Variants in TIMM17A observed in about 807,000 individuals in gnomAD.
The protein encoded by TIMM17A is translocase of inner mitochondrial membrane 17A, also known as mitochondrial import inner membrane translocase subunit Tim17-A.
Under a neutral mutation model 26.5 loss-of-function variants are expected in TIMM17A, and 15 were observed. That is an observed-to-expected ratio of 0.57 (90% CI 0.38 to 0.87). TIMM17A has a LOEUF of 0.87. Among genes scored for constraint, TIMM17A ranks in the 40% least tolerant of loss-of-function variants. TIMM17A has a pLI of 0.00. For missense variants in TIMM17A, 201 were observed against 210.0 expected (o/e 0.96, Z 0.27); for synonymous variants, 80 against 70.8 (o/e 1.13, Z -0.66).
rs1007727019 is a variant in TIMM17A, at chr1:201,963,508, T to C, written c.191-108T>C. 4 of 1,129,936 alleles carry C rather than the reference T, an allele frequency of 3.5e-6. No homozygotes were observed. In the South Asian group the frequency reaches 6.0e-5, roughly 17 times the overall value. 70.0% of individuals were successfully genotyped at this position (1,129,936 alleles called of 1,614,324 possible). A position where few individuals can be genotyped will look rare whatever the true frequency, so the allele number is the denominator to read the frequency against. On this transcript the variant is annotated intron_variant, in intron 3 of 5. Coordinates refer to ENST00000367287, the MANE Select transcript of TIMM17A (RefSeq NM_006335.3). ...AAACTTGTGTTTGCATGTATTTGTT[T>C]GGACTATAAATTTTGAGACTATAGT...
At position 201,969,625 on chromosome 1, in the gene TIMM17A, A is replaced by T; in HGVS notation, c.*71A>T. On this transcript the variant is annotated 3_prime_UTR_variant, in exon 6 of 6. Transcript: ENST00000367287. ...GAAGGATTTCAGAAGATCAAGTTACAGTCTGTTTTTAAAACCATAGGTGGG... is the reference window on the plus strand; with the variant it reads ...GAAGGATTTCAGAAGATCAAGTTACTGTCTGTTTTTAAAACCATAGGTGGG... The T allele has an allele frequency of 7.3e-7, 1 of 1,366,970 alleles. No individual in the cohort carries two copies. The highest frequency in any genetic ancestry group is 1.7e-5 in the Admixed American group (1 of 57,660). The allele number at this position is 1,366,970 out of a possible 1,614,324, so 84.7% of individuals were successfully genotyped here.
At position 201,957,267 on chromosome 1, in the gene TIMM17A, C is replaced by T. The variant is rs375204630; in HGVS notation, c.27-14C>T. ...GAATGAGAAATATGGTCTTTTTTTT[C>T]CCCCTGTTCTTAGCCCATGGCGAAT... On this transcript the variant is annotated splice_polypyrimidine_tract_variant and intron_variant, in intron 1 of 5. Coordinates refer to ENST00000367287, the MANE Select transcript of TIMM17A (RefSeq NM_006335.3). The T allele has an allele frequency of 2.5e-5, 37 of 1,462,628 alleles. No homozygotes were observed. Among genetic ancestry groups the T allele is most frequent in the Admixed American group, 1.4e-4 (7 of 51,508 alleles). 90.6% of individuals were successfully genotyped at this position (1,462,628 alleles called of 1,614,324 possible).
chr1:201,959,082 A>G (rs1003036129), intron 3 of TIMM17A, among the ~76,000 whole-genome samples: 2 of 152,238 alleles, frequency 1.3e-5, no homozygotes, highest in African/African-American at 4.8e-5. Flanking sequence ...TGCAGAAGCC[A>G]TATAGGTTTT....
At position 201,964,635 on chromosome 1, in the gene TIMM17A, C is replaced by CTTTTTTTTTTTTTTTTTTTTTTTTTTTTT. The variant is rs570309464; in HGVS notation, c.320-795_320-767dup. ...TTTATTTATTTATTTTATTTTATTTCTTTTTTTTTTTTTTTTTTTTTTTTT... is the reference window on the plus strand; with the variant it reads ...TTTATTTATTTATTTTATTTTATTTCTTTTTTTTTTTTTTTTTTTTTTTTTTTTTTTTTTTTTTTTTTTTTTTTTTTTTT... On this transcript the variant is annotated intron_variant, in intron 4 of 5. Coordinates refer to ENST00000367287, the MANE Select transcript of TIMM17A (RefSeq NM_006335.3). Among the ~76,000 whole-genome samples, 33 of 90,954 alleles carry CTTTTTTTTTTTTTTTTTTTTTTTTTTTTT rather than the reference C, an allele frequency of 3.6e-4. 1 individual carries two copies. The highest frequency in any genetic ancestry group is 5.1e-4 in the African/African-American group (10 of 19,434). The allele number at this position is 90,954 out of a possible 152,430, so 59.7% of individuals were successfully genotyped here. A position where few individuals can be genotyped will look rare whatever the true frequency, so the allele number is the denominator to read the frequency against.
At position 201,969,551 on chromosome 1, in the gene TIMM17A, G is replaced by T. The variant is rs1410159129; in HGVS notation, c.513G>T (p.Gln171His). The T allele has an allele frequency of 5.6e-6, 9 of 1,612,064 alleles. No homozygotes were observed. In the East Asian group the frequency reaches 2.0e-4, roughly 36 times the overall value. The change falls in exon 6 of 6, where the codon CAG (glutamine) becomes CAT (histidine). Residue 171 changes from glutamine (Q) to histidine (H), a missense_variant. Coordinates refer to ENST00000367287, the MANE Select transcript of TIMM17A (RefSeq NM_006335.3). ...CTTTTGGAGACTATCGACAATATCAGTAGGACTTCTTTCCTAGGATTTCTT... is the reference window on the plus strand; with the variant it reads ...CTTTTGGAGACTATCGACAATATCATTAGGACTTCTTTCCTAGGATTTCTT... ...SSPFGDYRQY[Q>H] is the part of the protein sequence containing the mutation.
chr1:201,966,945 A>G (rs1431461278), intron 5 of TIMM17A, among the ~76,000 whole-genome samples: 1 of 144,548 alleles, frequency 6.9e-6, no homozygotes, highest in Non-Finnish European at 1.5e-5. Flanking sequence ...TATATATGTT[A>G]TGTATTATAT....
chr1:201,960,708 G>A (rs1682508554), intron 3 of TIMM17A, among the ~76,000 whole-genome samples: 1 of 152,102 alleles, frequency 6.6e-6, no homozygotes, highest in South Asian at 2.1e-4. Context: ...GGTGCAGGGA[G>A]GGACAGGCAG....
rs143821197 is a variant in TIMM17A at position 201,968,577 on chromosome 1, A to C, written c.431-892A>C. On this transcript the variant is annotated intron_variant, in intron 5 of 5. Transcript: ENST00000367287. ...CAGCTAATTTTCATATTTTCAGTAG[A>C]GACGGGGTTTCGCCATGTTGTCCTG... Among the ~76,000 whole-genome samples, 1,173 of 150,830 alleles carry C rather than the reference A, an allele frequency of 7.8e-3. 22 individuals are homozygous for C. Among genetic ancestry groups the C allele is most frequent in the African/African-American group, 0.027 (1,124 of 41,096 alleles).
intron 5 of TIMM17A, among the ~76,000 whole-genome samples, chr1:201,968,293 C>T (rs1682673905): frequency 6.6e-6 from 1 of 151,200 alleles, no homozygotes; most frequent in Non-Finnish European, 1.5e-5. Flanking sequence ...TCGCGCCCAG[C>T]AAAAAAGTTT....
chr1:201,957,330 A>G lies in TIMM17A; in HGVS notation c.76A>G (p.Ile26Val), dbSNP rs764728289. The change falls in exon 2 of 6, where the codon ATT (isoleucine) becomes GTT (valine). Residue 26 changes from isoleucine (I) to valine (V), a missense_variant. By Grantham distance (29) the Ile-to-Val change is conservative. Coordinates refer to ENST00000367287, the MANE Select transcript of TIMM17A (RefSeq NM_006335.3). ...TGGTGGGGCCTTTACGATGGGTACC[A>G]TTGGTGGTGGTATCTTTCAAGCAAT... ...DCGGAFTMGT[I>V]GGGIFQAIKG... 6.2e-6 allele frequency: 10 copies of G among 1,613,974 alleles called. No homozygotes were observed. The East Asian group carries it at 2.2e-4, about 36-fold the overall frequency.
intron 3 of TIMM17A, among the ~76,000 whole-genome samples, chr1:201,960,348 C>A (rs776573623): frequency 6.6e-6 from 1 of 151,516 alleles, no homozygotes; most frequent in Non-Finnish European, 1.5e-5. Flanking sequence ...TGTAGTGAGC[C>A]GAGATTGTGC....
At chr1:201,956,645 T>C (rs1682416117) in intron 1 of TIMM17A, among the ~76,000 whole-genome samples, 1 of 152,220 alleles carries the variant, frequency 6.6e-6, no homozygotes, top group Non-Finnish European at 1.5e-5. Flanking sequence ...GTTAAAATAT[T>C]TAACTATGTT....
At position 201,963,587 on chromosome 1, in the gene TIMM17A, T is replaced by G. The variant is rs1386285462; in HGVS notation, c.191-29T>G. ...ATGGAAGATGAAATTTAAATTAGTA[T>G]TTGCTTGTTTCTTTTTACAATAAAA... On this transcript the variant is annotated intron_variant, in intron 3 of 5. Transcript: ENST00000367287. The G allele has an allele frequency of 1.1e-5, 18 of 1,588,010 alleles. 1 individual carries two copies. The highest frequency in any genetic ancestry group is 1.5e-5 in the Non-Finnish European group (18 of 1,172,818).
intron 1 of TIMM17A, among the ~76,000 whole-genome samples, chr1:201,956,633 G>C (rs905106754): frequency 3.3e-5 from 5 of 152,206 alleles, no homozygotes; most frequent in Non-Finnish European, 7.3e-5. Context: ...GGTTAGCAGA[G>C]AGTTAAAATA....
chr1:201,968,351 A>G (rs182026587), intron 5 of TIMM17A, among the ~76,000 whole-genome samples: 18 of 151,932 alleles, frequency 1.2e-4, no homozygotes, highest in African/African-American at 2.7e-4. Flanking sequence ...AAATGGCAAC[A>G]GTGGTTTTCA....
At position 201,959,492 on chromosome 1, in the gene TIMM17A, A is replaced by G. The variant is rs549934050; in HGVS notation, c.190+1918A>G. ...AACGTGGTGAAACCCCATGTCTACT[A>G]AAAATACAAAAATTAGCTGGGCATG... On this transcript the variant is annotated intron_variant, in intron 3 of 5. Transcript: ENST00000367287. Among the ~76,000 whole-genome samples, 267 of 151,506 alleles carry G rather than the reference A, an allele frequency of 1.8e-3. 3 individuals carry two copies. The highest frequency in any genetic ancestry group is 5.4e-3 in the African/African-American group (222 of 41,246).
At chr1:201,958,287 T>C (rs1199103216) in intron 3 of TIMM17A, among the ~76,000 whole-genome samples, 1 of 152,202 alleles carries the variant, frequency 6.6e-6, no homozygotes, top group African/African-American at 2.4e-5. Flanking sequence ...TTTTGGGACA[T>C]TGTGCAGAGG....
intron 5 of TIMM17A, among the ~76,000 whole-genome samples, chr1:201,966,940 A>G (rs1044177035): frequency 4.8e-5 from 7 of 146,702 alleles, no homozygotes; most frequent in African/African-American, 1.7e-4. Flanking sequence ...TGTTGTATAT[A>G]TGTTATGTAT....
chr1:201,957,821 C>G (rs960392325), intron 3 of TIMM17A: 2 of 408,898 alleles, frequency 4.9e-6, no homozygotes, highest in Non-Finnish European at 8.6e-6. Flanking sequence ...TTTTCCTTCT[C>G]CAGAAGAAAG....
Sources: allele counts gnomAD v4.1 joint callset (sites outside exome capture counted in the v4.1 genomes callset), GRCh38; gene constraint gnomAD v4.1.1; transcripts MANE v1.5; gene names NCBI Gene and HGNC (gene_info 2026-07-23, HGNC 2026-07-21).